Variants in ONECUT3 observed in about 807,000 individuals in gnomAD.
ONECUT3 encodes the protein one cut domain family member 3.
A neutral mutation model predicts 16.8 loss-of-function variants in ONECUT3; 11 were observed. The observed-to-expected ratio is 0.66, with a 90% CI of 0.41 to 1.09. The LOEUF (loss-of-function observed/expected upper bound fraction) is 1.09, where lower values mean the gene tolerates loss of function less well. Among genes scored for constraint, ONECUT3 ranks in the 50% least tolerant of loss-of-function variants. The pLI is 0.00. For synonymous variants in ONECUT3, 344 were observed against 310.7 expected, an observed-to-expected ratio of 1.11 and a Z score of -1.13; for missense variants, 637 against 629.9, an observed-to-expected ratio of 1.01 and a Z score of -0.12.
chr19:1,761,106 G>A (rs1328639153), intron 1 of ONECUT3, among the ~76,000 whole-genome samples: 1 of 142,110 alleles, frequency 7.0e-6, no homozygotes, highest in East Asian at 2.1e-4. Flanking sequence ...AGGCTGGAGT[G>A]CAGTGGCGCA....
rs1230068044 is a variant in ONECUT3 at position 1,762,665 on chromosome 19, G to A, written c.1192+7811G>A. Among the ~76,000 whole-genome samples the A allele has an allele frequency of 6.6e-6, 1 of 152,244 alleles. No homozygotes were observed. The highest frequency in any genetic ancestry group is 2.4e-5 in the African/African-American group (1 of 41,464). On this transcript the variant is annotated intron_variant, in intron 1 of 1. Transcript: ENST00000382349. This position sits in a 1 kb window ranked among gnomAD's most constrained non-coding sequence, Gnocchi z 4.4. ...ACCCGGGACCCGGGACCACGCGCCC[G>A]CGGCCTTGGAGCCTCAGGGTCACTG... is the stretch of plus-strand genomic sequence containing the variant.
Position 1,754,771 on chromosome 19 carries a change from A to C in ONECUT3, c.1109A>C (p.Lys370Thr). 6.4e-7 allele frequency: 1 copy of C among 1,566,690 alleles called. No homozygotes were observed. Among genetic ancestry groups the C allele is most frequent in the Non-Finnish European group, 8.6e-7 (1 of 1,158,434 alleles). ...LRNPKPWSKL[K>T]SGRETFRRMW... ...AACCCCAAGCCGTGGAGCAAGCTCA[A>C]ATCCGGCCGCGAGACCTTCCGCAGG... The change falls in exon 1 of 2, where the codon AAA becomes ACA. Residue 370 changes from lysine to threonine, a missense_variant. Transcript: ENST00000382349. This position sits in a 1 kb window ranked among gnomAD's most constrained non-coding sequence, Gnocchi z 7.4.
chr19:1,759,326 G>A lies in ONECUT3; in HGVS notation c.1192+4472G>A, dbSNP rs1219135459. 2.6e-5 allele frequency among the ~76,000 whole-genome samples: 4 copies of A among 151,764 alleles called. No homozygotes were observed. The South Asian group carries it at 6.3e-4, about 24-fold the overall frequency. On this transcript the variant is annotated intron_variant, in intron 1 of 1. Transcript: ENST00000382349. The surrounding 1 kb of genome is among the most constrained non-coding windows in gnomAD (Gnocchi z 4.1). ...AGGCTCATACAGGCCCTCCCTCCCC[G>A]GCTTCTCCCCCCTACCCGCTGCCAC... is the stretch of plus-strand genomic sequence containing the variant.
chr19:1,754,744 G>T lies in ONECUT3; in HGVS notation c.1082G>T (p.Arg361Leu), dbSNP rs972492939. The T allele has an allele frequency of 1.9e-6, 3 of 1,563,398 alleles. No homozygotes were observed. Among genetic ancestry groups the T allele is most frequent in the Non-Finnish European group, 8.6e-7 (1 of 1,157,460 alleles). The change falls in exon 1 of 2, where the codon CGC (arginine) becomes CTC (leucine). Residue 361 changes from arginine to leucine, a missense_variant. By Grantham distance (102) the Arg-to-Leu change is moderately radical. Around this residue, in one of 3 missense-constraint regions of ONECUT3, gnomAD observed 183 missense variants for 188.3 expected, o/e 0.97. Transcript: ENST00000382349. This position sits in a 1 kb window ranked among gnomAD's most constrained non-coding sequence, Gnocchi z 7.4. ...RSQGTLSDLLRNPKPWSKLKS... is the reference protein window; with the variant it reads ...RSQGTLSDLLLNPKPWSKLKS... ...CAGGGCACGCTCTCCGACCTGCTGC[G>T]CAACCCCAAGCCGTGGAGCAAGCTC...
chr19:1,767,031 T>G (rs2067998455), intron 1 of ONECUT3, among the ~76,000 whole-genome samples: 1 of 151,800 alleles, frequency 6.6e-6, no homozygotes, highest in Non-Finnish European at 1.5e-5. Context: ...GAGAGGCCAT[T>G]GCTCCTGGGC....
rs2067926134 is a variant in ONECUT3 at position 1,758,052 on chromosome 19, AG to A, written c.1192+3200del. ...CTCGGGGCGGGCCACGCGTTTCCGC[AG>A]GTGCCGAGTGTCCTGCCGGGCGCCG... On this transcript the variant is annotated intron_variant, in intron 1 of 1. Coordinates refer to ENST00000382349, the MANE Select transcript of ONECUT3 (RefSeq NM_001080488.2). This position sits in a 1 kb window ranked among gnomAD's most constrained non-coding sequence, Gnocchi z 5.9. Among the ~76,000 whole-genome samples, 1 of 152,222 alleles carries A rather than the reference AG, an allele frequency of 6.6e-6. No homozygotes were observed. The highest frequency in any genetic ancestry group is 2.4e-5 in the African/African-American group (1 of 41,548).
At position 1,755,847 on chromosome 19, in the gene ONECUT3, C is replaced by G. The variant is rs1368029532; in HGVS notation, c.1192+993C>G. On this transcript the variant is annotated intron_variant, in intron 1 of 1. Transcript: ENST00000382349. This position sits in a 1 kb window ranked among gnomAD's most constrained non-coding sequence, Gnocchi z 7.5. ...AGCTAAGTCCACACCTGCCCTCTGA[C>G]AGGCAGCCCGGCCAGGCCCCCATTT... Among the ~76,000 whole-genome samples the G allele has an allele frequency of 6.6e-6, 1 of 152,228 alleles. No individual in the cohort carries two copies. Among genetic ancestry groups the G allele is most frequent in the Non-Finnish European group, 1.5e-5 (1 of 68,028 alleles).
At chr19:1,768,079 G>A (rs1384975204) in intron 1 of ONECUT3, among the ~76,000 whole-genome samples, 1 of 152,180 alleles carries the variant, frequency 6.6e-6, no homozygotes, top group African/African-American at 2.4e-5. Flanking sequence ...TCCTGGAGGA[G>A]GTGCAGGGCT....
intron 1 of ONECUT3, among the ~76,000 whole-genome samples, chr19:1,765,486 C>T (rs536124110): frequency 6.6e-5 from 10 of 152,322 alleles, no homozygotes; most frequent in East Asian, 5.8e-4. Context: ...GGACTCAGAG[C>T]GGAGCTGGCC....
At chr19:1,763,875 T>C (rs1472429437) in intron 1 of ONECUT3, among the ~76,000 whole-genome samples, 1 of 152,184 alleles carries the variant, frequency 6.6e-6, no homozygotes, top group Admixed American at 6.5e-5. Context: ...CAGGTTTTCC[T>C]GAACCACTTC....
At chr19:1,763,591 T>C (rs2067959427) in intron 1 of ONECUT3, among the ~76,000 whole-genome samples, 1 of 151,962 alleles carries the variant, frequency 6.6e-6, no homozygotes, top group South Asian at 2.1e-4. Context: ...TTTACAATAG[T>C]TAACGCATTC....
chr19:1,774,139 G>A (rs1390663886), intron 1 of ONECUT3, among the ~76,000 whole-genome samples: 1 of 152,112 alleles, frequency 6.6e-6, no homozygotes, highest in Non-Finnish European at 1.5e-5. Flanking sequence ...CTGGGTGCTC[G>A]AGGGAGGCCA....
At position 1,778,837 on chromosome 19, in the gene ONECUT3, C is replaced by T. The variant is rs1254662601; in HGVS notation, c.*3392C>T. ...AAAAAATAAATAAAGTGGCCCAGGA[C>T]TCCTGGATCCTTTTCAGATATCTTC... is the stretch of plus-strand genomic sequence containing the variant. On this transcript the variant is annotated 3_prime_UTR_variant, in exon 2 of 2. Transcript: ENST00000382349. The T allele has an allele frequency of 1.3e-5, 2 of 151,042 alleles. No individual in the cohort carries two copies. Among genetic ancestry groups the T allele is most frequent in the African/African-American group, 2.5e-5 (1 of 40,768 alleles). The allele number at this position is 151,042 out of a possible 1,614,324, so 9.4% of individuals were successfully genotyped here. A position where few individuals can be genotyped will look rare whatever the true frequency, so the allele number is the denominator to read the frequency against.
Position 1,766,568 on chromosome 19 carries a change from G to A in ONECUT3, c.1193-8585G>A, listed in dbSNP as rs1417963741. Among the ~76,000 whole-genome samples the A allele has an allele frequency of 1.3e-5, 2 of 151,834 alleles. No individual in the cohort carries two copies. Among genetic ancestry groups the A allele is most frequent in the South Asian group, 2.1e-4 (1 of 4,788 alleles). On this transcript the variant is annotated intron_variant, in intron 1 of 1. Transcript: ENST00000382349. The surrounding 1 kb of genome is among the most constrained non-coding windows in gnomAD (Gnocchi z 4.0). ...AAAGAAAAGAGCAGAGAGGGGAGAG[G>A]GAGGGAGGGTGAGTGGAAAAGGAGG...
At chr19:1,757,967 C>T (rs1224600023) in intron 1 of ONECUT3, among the ~76,000 whole-genome samples, 3 of 152,348 alleles carry the variant, frequency 2.0e-5, no homozygotes, top group East Asian at 3.9e-4. Context: ...CACCGCGGGC[C>T]TCCCCAGGCC....
In ONECUT3 at chr19:1,753,605, G is replaced by GAGC; in HGVS notation, c.-58_-57insAGC. ...GGGGAGCGGGCGGGAGTCATGCAGC[G>GAGC]GCCTTGAGCACTAGGGGCCGGCGCT... On this transcript the variant is annotated 5_prime_UTR_variant, in exon 1 of 2. Coordinates refer to ENST00000382349, the MANE Select transcript of ONECUT3 (RefSeq NM_001080488.2). 2 of 620,828 alleles carry GAGC rather than the reference G, an allele frequency of 3.2e-6. No individual in the cohort carries two copies. The highest frequency in any genetic ancestry group is 4.1e-6 in the Non-Finnish European group (2 of 486,062). 38.5% of individuals were successfully genotyped at this position (620,828 alleles called of 1,614,324 possible). A position where few individuals can be genotyped will look rare whatever the true frequency, so the allele number is the denominator to read the frequency against.
At chr19:1,768,580 G>T (rs891135413) in intron 1 of ONECUT3, among the ~76,000 whole-genome samples, 13 of 152,226 alleles carry the variant, frequency 8.5e-5, no homozygotes, top group Non-Finnish European at 7.3e-5. Flanking sequence ...CCGCCAGCTT[G>T]GTGGCCAAGG....
chr19:1,754,527 G>T lies in ONECUT3; in HGVS notation c.865G>T (p.Gly289Trp). ...CGCGGGGCTGCTGGCGCCGCTGGGC[G>T]GGCTGGCGGCGGCCGGGGCGCACGG... ...SAAGLLAPLGGLAAAGAHGPH... is the reference protein window; with the variant it reads ...SAAGLLAPLGWLAAAGAHGPH... The change falls in exon 1 of 2, where the codon GGG becomes TGG. Residue 289 changes from glycine (G) to tryptophan (W), a missense_variant. Transcript: ENST00000382349. This position sits in a 1 kb window ranked among gnomAD's most constrained non-coding sequence, Gnocchi z 7.4. 1 of 980,190 alleles carries T rather than the reference G, an allele frequency of 1.0e-6. No individual in the cohort carries two copies. Among genetic ancestry groups the T allele is most frequent in the Non-Finnish European group, 1.2e-6 (1 of 827,954 alleles). 60.7% of individuals were successfully genotyped at this position (980,190 alleles called of 1,614,324 possible).
In ONECUT3 at chr19:1,758,300, CAAAAA is replaced by C. The variant is rs55658128; in HGVS notation, c.1192+3458_1192+3462del. ...GAGACGAAAAGAGAGGCAGAGAGACCAAAAAAAAAAAAAAAAGAGAGAGAGAGAGA... is the reference window on the plus strand; with the variant it reads ...GAGACGAAAAGAGAGGCAGAGAGACCAAAAAAAAAAAGAGAGAGAGAGAGA... On this transcript the variant is annotated intron_variant, in intron 1 of 1. Coordinates refer to ENST00000382349, the MANE Select transcript of ONECUT3 (RefSeq NM_001080488.2). This position sits in a 1 kb window ranked among gnomAD's most constrained non-coding sequence, Gnocchi z 5.9. Among the ~76,000 whole-genome samples, 5 of 121,378 alleles carry C rather than the reference CAAAAA, an allele frequency of 4.1e-5. No homozygotes were observed. The highest frequency in any genetic ancestry group is 2.4e-4 in the Admixed American group (3 of 12,466). The allele number at this position is 121,378 out of a possible 152,430, so 79.6% of individuals were successfully genotyped here. A position where few individuals can be genotyped will look rare whatever the true frequency, so the allele number is the denominator to read the frequency against.
Sources: gnomAD v4.1 joint callset for allele counts (sites outside exome capture counted in the v4.1 genomes callset) on GRCh38, gnomAD v4.1.1 for gene constraint, gnomAD v4.1.1 regional missense constraint, Gnocchi (gnomAD v3.1) non-coding constraint, MANE v1.5 for transcripts, NCBI Gene and HGNC (gene_info 2026-07-23, HGNC 2026-07-21) for gene names.